Variants in GLE1 observed in about 807,000 individuals in gnomAD.
The protein encoded by GLE1 is mRNA export factor GLE1.
A neutral mutation model predicts 97.3 loss-of-function variants in GLE1; 78 were observed. The observed-to-expected ratio is 0.80, with a 90% confidence interval of 0.67 to 0.97. The LOEUF is 0.97. Ranked by LOEUF, GLE1 falls within the 50% of genes least tolerant of loss-of-function variation. The probability of loss-of-function intolerance (pLI) is 0.00; values close to 1 mark genes in which losing one functional copy is unlikely to be tolerated. For missense variants in GLE1, 753 were observed against 857.5 expected (o/e 0.88, Z 1.52); for synonymous variants, 302 against 313.4 (o/e 0.96, Z 0.39).
At chr9:128,519,757 C>T (rs1284390916) in intron 3 of GLE1, among the ~76,000 whole-genome samples, 2 of 152,160 alleles carry the variant, frequency 1.3e-5, no homozygotes, top group African/African-American at 4.8e-5. Context: ...ACACCCTATT[C>T]GTATACTCCC....
At chr9:128,505,425 C>A (rs1314136179) in intron 1 of GLE1, among the ~76,000 whole-genome samples, 1 of 152,188 alleles carries the variant, frequency 6.6e-6, no homozygotes, top group Non-Finnish European at 1.5e-5. Flanking sequence ...CTCCCATTCC[C>A]GAGTCGCTGC....
chr9:128,509,367 G>A (rs994086384), intron 2 of GLE1, among the ~76,000 whole-genome samples: 1 of 151,174 alleles, frequency 6.6e-6, no homozygotes, highest in African/African-American at 2.4e-5. Context: ...CGCTGCGTCT[G>A]TTTAACTGAT....
intron 6 of GLE1, among the ~76,000 whole-genome samples, chr9:128,524,540 CTTTTTTTTTTTTTT>C (rs71381767): frequency 2.5e-5 from 1 of 39,622 alleles, no homozygotes; most frequent in Non-Finnish European, 4.7e-5. Context: ...CTTTGCTTTG[CTTTTTTTTTTTTTT>C]TTTTTTTTTT....
At chr9:128,530,362 C>G (rs943383964) in intron 9 of GLE1, among the ~76,000 whole-genome samples, 11 of 152,204 alleles carry the variant, frequency 7.2e-5, no homozygotes, top group African/African-American at 2.7e-4. Flanking sequence ...GCACCATTAT[C>G]TACTCAGTAA....
At chr9:128,508,302 T>G (rs1846702543) in intron 1 of GLE1, among the ~76,000 whole-genome samples, 1 of 151,710 alleles carries the variant, frequency 6.6e-6, no homozygotes, top group South Asian at 2.1e-4. Flanking sequence ...CTGGGGAGAC[T>G]GGTTGAGGTG....
chr9:128,531,518 T>A (rs1847505693), intron 9 of GLE1, among the ~76,000 whole-genome samples: 1 of 148,952 alleles, frequency 6.7e-6, no homozygotes, highest in East Asian at 2.0e-4. Flanking sequence ...AGAGTGAGAC[T>A]TCATCTCAAA....
chr9:128,540,449 C>A, intron 15 of GLE1, 111 bp downstream of exon 15: 1 of 748,340 alleles, frequency 1.3e-6, no homozygotes, highest in South Asian at 1.4e-5. Flanking sequence ...TTCCTTAGTT[C>A]TTCCAAACCC....
chr9:128,537,190 G>C (rs760539470), intron 12 of GLE1, among the ~76,000 whole-genome samples: 3 of 151,512 alleles, frequency 2.0e-5, no homozygotes, highest in Non-Finnish European at 4.4e-5. Flanking sequence ...GGTAGCTTCA[G>C]GCCTGATATC....
At position 128,523,594 on chromosome 9, in the gene GLE1, T is replaced by C. The variant is rs1431436711; in HGVS notation, c.645T>C (p.Ile215=). ...LKAEHRHRAK[I]LNLKLREAEQ... The stretch of plus-strand genomic sequence containing the variant: ...AGTCACTCAGCCCTTTTCTACAGAT[T>C]CTCAACCTGAAGCTGCGGGAAGCAG... Residue 215 remains isoleucine, a splice_region_variant and synonymous_variant, in exon 6 of 16, where the codon ATT becomes ATC. Transcript: ENST00000309971. 3 of 1,614,026 alleles carry C rather than the reference T, an allele frequency of 1.9e-6. No individual in the cohort carries two copies. Among genetic ancestry groups the C allele is most frequent in the East Asian group, 4.5e-5 (2 of 44,886 alleles).
chr9:128,511,930 G>A (rs1327423679), intron 2 of GLE1, among the ~76,000 whole-genome samples: 1 of 151,918 alleles, frequency 6.6e-6, no homozygotes, highest in African/African-American at 2.4e-5. Context: ...TCCTGCCTCA[G>A]CCTCCCGAGT....
chr9:128,540,693 A>G, intron 15 of GLE1: 1 of 368,702 alleles, frequency 2.7e-6, no homozygotes. Flanking sequence ...CATGAGATCA[A>G]ACTGCACTTT....
intron 2 of GLE1, among the ~76,000 whole-genome samples, chr9:128,515,108 CA>C (rs1393299223): frequency 6.6e-6 from 1 of 152,180 alleles, no homozygotes. Flanking sequence ...CGTGAGCCAC[CA>C]CACCCGGCCT....
At chr9:128,534,867 C>T (rs1404401261) in intron 11 of GLE1, among the ~76,000 whole-genome samples, 7 of 151,748 alleles carry the variant, frequency 4.6e-5, no homozygotes, top group Non-Finnish European at 1.0e-4. Flanking sequence ...TACAGGCGCC[C>T]ACCACCACGC....
Position 128,522,777 on chromosome 9 carries a change from A to T in GLE1, c.542A>T (p.His181Leu). The stretch of plus-strand genomic sequence containing the variant: ...GATGAATGGAAGGAACTGAAGCAGC[A>T]TAAAGAATTCCAGGACTTGCGGGAA... Reference protein sequence around the residue: ...RFDEWKELKQHKEFQDLREVM... With the variant: ...RFDEWKELKQLKEFQDLREVM... Residue 181 changes from histidine (H) to leucine (L), a missense_variant, in exon 4 of 16, where the codon CAT becomes CTT. Transcript: ENST00000309971. 6.2e-7 allele frequency: 1 copy of T among 1,614,134 alleles called. No individual in the cohort carries two copies. Among genetic ancestry groups the T allele is most frequent in the South Asian group, 1.1e-5 (1 of 91,082 alleles).
chr9:128,508,835 G>C (rs1302970410), intron 1 of GLE1, 41 bp from the exon 2 acceptor site: 3 of 1,131,840 alleles, frequency 2.7e-6, no homozygotes, highest in Non-Finnish European at 4.1e-6. Flanking sequence ...ACTGAGAACA[G>C]TTGACGTGTA....
intron 1 of GLE1, among the ~76,000 whole-genome samples, chr9:128,505,426 G>A (rs1012990618): frequency 3.9e-5 from 6 of 152,320 alleles, no homozygotes; most frequent in South Asian, 4.1e-4. Context: ...TCCCATTCCC[G>A]AGTCGCTGCT....
In GLE1 at chr9:128,533,474, C is replaced by T. The variant is rs770680552; in HGVS notation, c.1313-39C>T. The T allele has an allele frequency of 4.2e-5, 38 of 897,774 alleles. No individual in the cohort carries two copies. The Admixed American group carries it at 6.6e-4, about 16-fold the overall frequency. The allele number at this position is 897,774 out of a possible 1,614,324, so 55.6% of individuals were successfully genotyped here. A position where few individuals can be genotyped will look rare whatever the true frequency, so the allele number is the denominator to read the frequency against. On this transcript the variant is annotated intron_variant, in intron 9 of 15. Transcript: ENST00000309971. ...AAAAGGAAAAGAAAAAGAGATTGATCTGTGGTTATATCTTTTAATTTCTCT... is the reference window on the plus strand; with the variant it reads ...AAAAGGAAAAGAAAAAGAGATTGATTTGTGGTTATATCTTTTAATTTCTCT...
At chr9:128,540,381 CTGGA>C in intron 15 of GLE1, 43 bp downstream of exon 15, 2 of 1,224,918 alleles carry the variant, frequency 1.6e-6, no homozygotes, top group Non-Finnish European at 2.4e-6. Flanking sequence ...TGTTGTTGGG[CTGGA>C]ATGCACCTAT....
intron 13 of GLE1, among the ~76,000 whole-genome samples, chr9:128,538,580 T>C (rs1217333962): frequency 6.6e-6 from 1 of 152,176 alleles, no homozygotes; most frequent in Non-Finnish European, 1.5e-5. Context: ...TTGGATTACC[T>C]GAAGTCATGA....
Sources: gnomAD v4.1 joint callset for allele counts (sites outside exome capture counted in the v4.1 genomes callset) on GRCh38, gnomAD v4.1.1 for gene constraint, MANE v1.5 for transcripts, NCBI Gene and HGNC (gene_info 2026-07-23, HGNC 2026-07-21) for gene names.